Variants in CNGB1 observed in about 807,000 individuals in gnomAD.
CNGB1 encodes cyclic nucleotide-gated channel beta-1.
CNGB1 carries 126 observed loss-of-function variants against 151.7 expected under a neutral mutation model. The observed-to-expected ratio is 0.83, with a 90% confidence interval of 0.72 to 0.96. The LOEUF (loss-of-function observed/expected upper bound fraction) is 0.96, where lower values mean the gene tolerates loss of function less well. Ranked by LOEUF, CNGB1 falls within the 40% of genes least tolerant of loss-of-function variation. The probability of loss-of-function intolerance (pLI) is 0.00; values close to 1 mark genes in which losing one functional copy is unlikely to be tolerated. For synonymous variants in CNGB1, 623 were observed against 635.1 expected, an observed-to-expected ratio of 0.98 and a Z score of 0.29; for missense variants, 1,698 against 1,627.0, an observed-to-expected ratio of 1.04 and a Z score of -0.75.
Position 57,883,328 on chromosome 16 carries a change from G to A in CNGB1, c.*836C>T, listed in dbSNP as rs165999. On this transcript the variant is annotated 3_prime_UTR_variant, in exon 33 of 33. Transcript: ENST00000251102. ...TTTCTGCTGCTGTTTTGTAGAGATG[G>A]GGTCTCAATATGTTGCCCAGGCTGG... The A allele has an allele frequency of 0.24, 36,349 of 152,162 alleles. 4,626 individuals carry two copies. Among genetic ancestry groups the A allele is most frequent in the Admixed American group, 0.3 (4,615 of 15,264 alleles). The allele number at this position is 152,162 out of a possible 1,614,324, so 9.4% of individuals were successfully genotyped here.
Position 57,958,502 on chromosome 16 carries a change from G to T in CNGB1, c.762-17C>A, listed in dbSNP as rs1342078135. 6.2e-7 allele frequency: 1 copy of T among 1,611,638 alleles called. No individual in the cohort carries two copies. The highest frequency in any genetic ancestry group is 8.5e-7 in the Non-Finnish European group (1 of 1,178,030). On this transcript the variant is annotated splice_polypyrimidine_tract_variant and intron_variant, in intron 10 of 32. Transcript: ENST00000251102. ...GCCACCAGCCTGCAGGTGGGAGAGA[G>T]TGTGCGGTGTCCAGGTGGGAAGGGT...
At position 57,959,955 on chromosome 16, in the gene CNGB1, C is replaced by T. The variant is rs1962196659; in HGVS notation, c.694G>A (p.Ala232Thr). 1.3e-6 allele frequency: 2 copies of T among 1,589,054 alleles called. No homozygotes were observed. Among genetic ancestry groups the T allele is most frequent in the Non-Finnish European group, 1.7e-6 (2 of 1,166,492 alleles). ...TGGGAGCCGGGCTGGGGCTCTGGAG[C>T]TGGTGCCTCCTTGGGTTCCTCCTTG... ...QPKEEPKEAP[A>T]PEPQPGSQAQ... Residue 232 changes from alanine to threonine, a missense_variant, in exon 10 of 33, where the codon GCT becomes ACT. Physicochemically the swap from Ala to Thr is moderately conservative, Grantham distance 58 (BLOSUM62 0). Coordinates refer to ENST00000251102, the MANE Select transcript of CNGB1 (RefSeq NM_001297.5).
intron 12 of CNGB1, 41 bp from the exon 13 acceptor site, chr16:57,950,581 G>A: frequency 6.2e-7 from 1 of 1,611,648 alleles, no homozygotes; most frequent in Non-Finnish European, 8.5e-7. Context: ...GGATGTGCGG[G>A]AGAGTGGGCT....
At chr16:57,951,806 C>A (rs1961954990) in intron 12 of CNGB1, among the ~76,000 whole-genome samples, 1 of 152,214 alleles carries the variant, frequency 6.6e-6, no homozygotes, top group Non-Finnish European at 1.5e-5. Context: ...TAAATACCTT[C>A]TTTTATGGGG....
At chr16:57,925,294 C>T (rs575557704) in intron 17 of CNGB1, among the ~76,000 whole-genome samples, 27 of 152,272 alleles carry the variant, frequency 1.8e-4, no homozygotes, top group African/African-American at 5.8e-4. Context: ...TGAGCCACCA[C>T]GCCCGGCCTC....
Position 57,912,990 on chromosome 16 carries a change from A to T in CNGB1, c.2309T>A (p.Met770Lys), listed in dbSNP as rs1353494036. 6.2e-7 allele frequency: 1 copy of T among 1,613,906 alleles called. No homozygotes were observed. Among genetic ancestry groups the T allele is most frequent in the South Asian group, 1.1e-5 (1 of 91,088 alleles). The change falls in exon 24 of 33, where the codon ATG (methionine) becomes AAG (lysine). Residue 770 changes from methionine to lysine, a missense_variant. By Grantham distance (95) the Met-to-Lys change is moderately conservative (BLOSUM62 -1). Coordinates refer to ENST00000251102, the MANE Select transcript of CNGB1 (RefSeq NM_001297.5). ...LLRLPRCLKY[M>K]AFFEFNSRLE... ...GCGGCTGTTAAACTCGAAGAAGGCC[A>T]TGTACTGGAGGGAGAGGAGGGCGTG...
chr16:57,921,803 C>T (rs1290687552), intron 18 of CNGB1, among the ~76,000 whole-genome samples: 2 of 152,118 alleles, frequency 1.3e-5, no homozygotes, highest in African/African-American at 2.4e-5. Flanking sequence ...TCATCTGGGT[C>T]CCTAAATGAT....
chr16:57,966,748 G>A (rs1349177975), intron 2 of CNGB1, among the ~76,000 whole-genome samples: 1 of 152,120 alleles, frequency 6.6e-6, no homozygotes, highest in Non-Finnish European at 1.5e-5. Context: ...TACGACCTGT[G>A]GGCCAAATCT....
rs1962530062 is a variant in CNGB1, at chr16:57,971,044, C to A, written c.-9+16G>T. 6.6e-6 allele frequency: 1 copy of A among 152,238 alleles called. No homozygotes were observed. The highest frequency in any genetic ancestry group is 6.5e-5 in the Admixed American group (1 of 15,278). 9.4% of individuals were successfully genotyped at this position (152,238 alleles called of 1,614,324 possible). A position where few individuals can be genotyped will look rare whatever the true frequency, so the allele number is the denominator to read the frequency against. ...CCCTCGGGGTCCCACCGAGCCTCCACCTCACCCTGAGTTACCTGCTTAGAT... is the reference window on the plus strand; with the variant it reads ...CCCTCGGGGTCCCACCGAGCCTCCAACTCACCCTGAGTTACCTGCTTAGAT... On this transcript the variant is annotated intron_variant, in intron 1 of 32. Coordinates refer to ENST00000251102, the MANE Select transcript of CNGB1 (RefSeq NM_001297.5).
At chr16:57,921,555 G>C (rs1175546280) in intron 18 of CNGB1, among the ~76,000 whole-genome samples, 1 of 152,052 alleles carries the variant, frequency 6.6e-6, no homozygotes, top group African/African-American at 2.4e-5. Context: ...CTGGCATACA[G>C]GTGTGGCGGG....
chr16:57,896,237 A>G (rs186886659), intron 31 of CNGB1, among the ~76,000 whole-genome samples: 16 of 152,176 alleles, frequency 1.1e-4, no homozygotes, highest in Non-Finnish European at 2.2e-4. Flanking sequence ...CAATACAGAA[A>G]CCTTAACCAA....
At position 57,963,049 on chromosome 16, in the gene CNGB1, T is replaced by A. The variant is rs1387808988; in HGVS notation, c.306A>T (p.Val102=). Residue 102 remains valine, a synonymous_variant, in exon 5 of 33, where the codon GTA becomes GTT. Coordinates refer to ENST00000251102, the MANE Select transcript of CNGB1 (RefSeq NM_001297.5). ...CTACGCCCTTCATGAGCCAGGTCAG[T>A]ACCCTGCGGCTGGGACTGCGATGGA... ...ISEMNSPSRR[V]LTWLMKGVEK... is the part of the protein sequence containing the mutation. The A allele has an allele frequency of 6.2e-7, 1 of 1,613,204 alleles. No homozygotes were observed. Among genetic ancestry groups the A allele is most frequent in the African/African-American group, 1.3e-5 (1 of 75,040 alleles).
intron 16 of CNGB1, among the ~76,000 whole-genome samples, chr16:57,936,317 C>A (rs1031604799): frequency 4.6e-5 from 7 of 152,172 alleles, no homozygotes; most frequent in Non-Finnish European, 1.0e-4. Flanking sequence ...GCAATCAGCA[C>A]CCACATTACT....
Position 57,967,109 on chromosome 16 carries a change from C to A in CNGB1, c.159+19G>T. The A allele has an allele frequency of 6.2e-7, 1 of 1,614,104 alleles. No individual in the cohort carries two copies. Among genetic ancestry groups the A allele is most frequent in the Non-Finnish European group, 8.5e-7 (1 of 1,180,034 alleles). The stretch of plus-strand genomic sequence containing the variant: ...GAGCAGCGAGGCCGGCCTGCCCCTC[C>A]TCCCGCTCTACCTCTCACCATGGAC... On this transcript the variant is annotated intron_variant, in intron 2 of 32. Coordinates refer to ENST00000251102, the MANE Select transcript of CNGB1 (RefSeq NM_001297.5).
At chr16:57,897,086 G>A (rs1210803819) in intron 31 of CNGB1, among the ~76,000 whole-genome samples, 1 of 152,102 alleles carries the variant, frequency 6.6e-6, no homozygotes, top group Admixed American at 6.5e-5. Context: ...GATCATGTGA[G>A]CCCAGGAGTT....
At chr16:57,926,864 C>A (rs1961204428) in intron 17 of CNGB1, among the ~76,000 whole-genome samples, 1 of 152,216 alleles carries the variant, frequency 6.6e-6, no homozygotes, top group African/African-American at 2.4e-5. Flanking sequence ...CCTATAATCC[C>A]AGCTACTTGG....
chr16:57,945,157 A>G (rs1214328840), intron 14 of CNGB1, among the ~76,000 whole-genome samples: 1 of 152,092 alleles, frequency 6.6e-6, no homozygotes, highest in Non-Finnish European at 1.5e-5. Flanking sequence ...TGGATAAGAT[A>G]CTGCATCACT....
At chr16:57,885,993 C>A (rs1959918679) in intron 32 of CNGB1, among the ~76,000 whole-genome samples, 1 of 152,136 alleles carries the variant, frequency 6.6e-6, no homozygotes, top group East Asian at 1.9e-4. Flanking sequence ...GAATCAGCAG[C>A]TCATGGGAAG....
intron 12 of CNGB1, chr16:57,954,899 C>A: frequency 9.7e-7 from 1 of 1,034,106 alleles, no homozygotes; most frequent in Non-Finnish European, 1.2e-6. Flanking sequence ...ATCCATGGGG[C>A]TTTTTAATTT....
Sources: gnomAD v4.1 joint callset for allele counts (sites outside exome capture counted in the v4.1 genomes callset) on GRCh38, gnomAD v4.1.1 for gene constraint, MANE v1.5 for transcripts, NCBI Gene and HGNC (gene_info 2026-07-23, HGNC 2026-07-21) for gene names.